PSPC1: variants seen among roughly 807,000 people sequenced by gnomAD.
The protein encoded by PSPC1 is paraspeckle protein 1.
Under a neutral mutation model 51.6 loss-of-function variants are expected in PSPC1, and 14 were observed. The ratio of observed to expected loss-of-function variants is 0.27; its 90% CI spans 0.18 to 0.42. PSPC1 has a LOEUF of 0.42. PSPC1 is among the 10% of genes least tolerant of loss of function. PSPC1 has a pLI of 1.00. For synonymous variants in PSPC1, 193 were observed against 231.9 expected (o/e 0.83, Z 1.53); for missense variants, 406 against 701.1 (o/e 0.58, Z 4.75).
chr13:19,687,668 T>TCCCCTATATTAAGTTAACCA (rs142473484), intron 6 of PSPC1, among the ~76,000 whole-genome samples: 146,473 of 151,844 alleles, frequency 0.96, 70,876 homozygotes, highest in Middle Eastern at 1. Flanking sequence ...TCCACATAAA[T>TCCCCTATATTAAGTTAACCA]CCCAGTCGTG....
downstream of PSPC1, among the ~76,000 whole-genome samples, chr13:19,673,884 C>T (rs1264120668): frequency 6.6e-6 from 1 of 152,196 alleles, no homozygotes; most frequent in Non-Finnish European, 1.5e-5. Flanking sequence ...GGTCAAGGCC[C>T]AGGGCAATGT....
rs191737549 is a variant in PSPC1, at chr13:19,729,838, A to C, written c.1158+401T>G. On this transcript the variant is annotated intron_variant, in intron 6 of 8. Coordinates refer to ENST00000338910, the MANE Select transcript of PSPC1 (RefSeq NM_001354909.2). ...ATAAAGTGGTTATACTTAAAGATGTAAAAGATTGGCCATATGTTTATAAGT... is the reference window on the plus strand; with the variant it reads ...ATAAAGTGGTTATACTTAAAGATGTCAAAGATTGGCCATATGTTTATAAGT... Among the ~76,000 whole-genome samples the C allele has an allele frequency of 2.2e-3, 328 of 152,334 alleles. 1 individual carries two copies. The highest frequency in any genetic ancestry group is 0.014 in the South Asian group (66 of 4,832).
At chr13:19,751,881 T>C (rs574883157) in intron 3 of PSPC1, among the ~76,000 whole-genome samples, 14 of 152,060 alleles carry the variant, frequency 9.2e-5, no homozygotes, top group African/African-American at 3.1e-4. Context: ...CGTTGTGAAA[T>C]CCCGTCTCTA....
chr13:19,766,800 A>ATAAT (rs1888118677), intron 2 of PSPC1, among the ~76,000 whole-genome samples: 1 of 151,612 alleles, frequency 6.6e-6, no homozygotes, highest in South Asian at 2.1e-4. Context: ...GGCTGCAACG[A>ATAAT]GCTGTGATAA....
At chr13:19,726,206 G>A (rs1435817555) in intron 6 of PSPC1, among the ~76,000 whole-genome samples, 1 of 152,040 alleles carries the variant, frequency 6.6e-6, no homozygotes, top group East Asian at 1.9e-4. Flanking sequence ...CTTACACCAT[G>A]TTGAACCACA....
intron 5 of PSPC1, among the ~76,000 whole-genome samples, chr13:19,731,817 G>GA (rs1389509676): frequency 2.0e-5 from 3 of 152,136 alleles, no homozygotes; most frequent in Non-Finnish European, 4.4e-5. Flanking sequence ...CTGAAAATGT[G>GA]AAAAAATCCA....
chr13:19,713,780 C>T (rs935375047), intron 6 of PSPC1, among the ~76,000 whole-genome samples: 1 of 152,084 alleles, frequency 6.6e-6, no homozygotes, highest in African/African-American at 2.4e-5. Context: ...ATCATTGCAG[C>T]GGTTCTTAAC....
chr13:19,765,648 T>A (rs1327299859), intron 2 of PSPC1, among the ~76,000 whole-genome samples: 2 of 151,822 alleles, frequency 1.3e-5, no homozygotes, highest in Non-Finnish European at 2.9e-5. Flanking sequence ...TTTTAATTTT[T>A]CTTTTTGTTC....
intron 5 of PSPC1, among the ~76,000 whole-genome samples, chr13:19,738,165 T>C (rs1354898078): frequency 6.6e-6 from 1 of 152,188 alleles, no homozygotes; most frequent in Non-Finnish European, 1.5e-5. Flanking sequence ...CACACATCTA[T>C]ATTTCTGCAT....
chr13:19,767,291 T>C (rs935438084), intron 2 of PSPC1, among the ~76,000 whole-genome samples: 4 of 152,160 alleles, frequency 2.6e-5, no homozygotes, highest in African/African-American at 7.2e-5. Flanking sequence ...ACAGCAGATA[T>C]AGCACGAATT....
At chr13:19,781,772 T>G (rs970025947) in intron 1 of PSPC1, among the ~76,000 whole-genome samples, 19 of 152,136 alleles carry the variant, frequency 1.2e-4, no homozygotes, top group Non-Finnish European at 2.5e-4. Flanking sequence ...GAGACCCCAT[T>G]TCTATTAAAA....
chr13:19,682,186 T>A (rs560958929), intron 6 of PSPC1, among the ~76,000 whole-genome samples: 1 of 152,338 alleles, frequency 6.6e-6, no homozygotes, highest in Non-Finnish European at 1.5e-5. Context: ...TAATTTCAGT[T>A]AATTGGACAA....
chr13:19,710,348 T>A (rs945817161), intron 6 of PSPC1, among the ~76,000 whole-genome samples: 1 of 152,176 alleles, frequency 6.6e-6, no homozygotes, highest in Admixed American at 6.5e-5. Context: ...AATAGTGACA[T>A]AGAATTAACT....
intron 6 of PSPC1, among the ~76,000 whole-genome samples, chr13:19,714,542 CTGGGGTG>C (rs1881856174): frequency 6.8e-6 from 1 of 148,058 alleles, no homozygotes; most frequent in Non-Finnish European, 1.5e-5. Context: ...GTTGCCCAGG[CTGGGGTG>C]CAATGGCGTG....
intron 3 of PSPC1, among the ~76,000 whole-genome samples, chr13:19,753,426 A>G (rs939566026): frequency 6.6e-6 from 1 of 151,996 alleles, no homozygotes; most frequent in African/African-American, 2.4e-5. Context: ...TGTAGAGATG[A>G]GGTACCACTA....
chr13:19,782,598 C>T lies in PSPC1; in HGVS notation c.160G>A (p.Glu54Lys), dbSNP rs766236060. The change falls in exon 1 of 9, where the codon GAG becomes AAG. Residue 54 changes from glutamate to lysine, a missense_variant. Transcript: ENST00000338910. The surrounding 1 kb of genome is among the most constrained non-coding windows in gnomAD (Gnocchi z 4.5). ...EPAPPAPAPP[E>K]DHPDEEMGFT... ...CCCATCTCCTCGTCCGGGTGGTCCT[C>T]TGGAGGCGCGGGCGCGGGCGGTGCC... 6.3e-7 allele frequency: 1 copy of T among 1,587,518 alleles called. No homozygotes were observed. The highest frequency in any genetic ancestry group is 8.6e-7 in the Non-Finnish European group (1 of 1,169,384).
chr13:19,776,130 G>C (rs1889097463), intron 1 of PSPC1, among the ~76,000 whole-genome samples: 1 of 151,962 alleles, frequency 6.6e-6, no homozygotes, highest in Non-Finnish European at 1.5e-5. Context: ...ATTTTGATAG[G>C]GGTTTGAGTT....
chr13:19,677,326 T>C (rs1181826766), intron 7 of PSPC1, among the ~76,000 whole-genome samples: 4 of 152,218 alleles, frequency 2.6e-5, no homozygotes, highest in Non-Finnish European at 5.9e-5. Flanking sequence ...ACAGGAAATT[T>C]TTTTACAAAG....
intron 2 of PSPC1, among the ~76,000 whole-genome samples, chr13:19,767,719 C>A (rs1399783495): frequency 1.3e-5 from 2 of 151,894 alleles, no homozygotes; most frequent in African/African-American, 4.8e-5. Context: ...TGGAGACCTG[C>A]ACGGTAACAA....
Sources: allele counts gnomAD v4.1 joint callset (sites outside exome capture counted in the v4.1 genomes callset), GRCh38; gene constraint gnomAD v4.1.1; non-coding constraint Gnocchi (gnomAD v3.1); transcripts MANE v1.5; gene names NCBI Gene and HGNC (gene_info 2026-07-23, HGNC 2026-07-21).